The following ERG variants were observed in gnomAD, a reference collection of about 807,000 sequenced individuals.
The protein encoded by ERG is transcriptional regulator ERG.
ERG carries 9 observed loss-of-function variants against 55.3 expected under a neutral mutation model. The ratio of observed to expected loss-of-function variants is 0.16; its 90% CI spans 0.10 to 0.28. ERG has a LOEUF of 0.28. ERG is among the 10% of genes least tolerant of loss of function. ERG has a pLI of 1.00. For missense variants in ERG, 434 were observed against 631.6 expected (o/e 0.69, Z 3.35); for synonymous variants, 223 against 237.3 (o/e 0.94, Z 0.55).
intron 1 of ERG, among the ~76,000 whole-genome samples, chr21:38,638,954 C>A (rs1431151911): frequency 6.6e-6 from 1 of 152,090 alleles, no homozygotes; most frequent in African/African-American, 2.4e-5. Flanking sequence ...AAAGGGGGAC[C>A]AAGTGAATGG....
rs187270077 is a variant in ERG at position 38,654,615 on chromosome 21, T to A, written c.-150+7043A>T. ...ATACTAATAATATGCTGATCTAACA[T>A]CTCTTCTCCAGAAGACTCCCTAGAT... On this transcript the variant is annotated intron_variant, in intron 1 of 10. Coordinates refer to the ERG transcript ENST00000398910. Among the ~76,000 whole-genome samples the A allele has an allele frequency of 6.6e-5, 10 of 152,348 alleles. No individual in the cohort carries two copies. The East Asian group carries it at 1.9e-3, about 29-fold the overall frequency.
At chr21:38,567,759 G>A (rs909248997) in intron 2 of ERG, among the ~76,000 whole-genome samples, 8 of 152,182 alleles carry the variant, frequency 5.3e-5, no homozygotes, top group African/African-American at 1.9e-4. Context: ...CATAGCGATG[G>A]GATAAATCAT....
At chr21:38,416,702 CAAAAT>C (rs1989296798) in intron 3 of ERG, among the ~76,000 whole-genome samples, 1 of 152,066 alleles carries the variant, frequency 6.6e-6, no homozygotes, top group Non-Finnish European at 1.5e-5. Flanking sequence ...CAATATGAAA[CAAAAT>C]AAAGTATGAT....
rs531869559 is a variant in ERG at position 38,388,895 on chromosome 21, T to C, written c.919+2100A>G. 7.9e-5 allele frequency among the ~76,000 whole-genome samples: 12 copies of C among 152,280 alleles called. No homozygotes were observed. The South Asian group carries it at 2.5e-3, about 32-fold the overall frequency. ...CCCTTGTGAAAGCTGGCACTTTGCT[T>C]AGGAGCAAGTGACTCAGGCCCTATT... On this transcript the variant is annotated intron_variant, in intron 9 of 9. Coordinates refer to ENST00000288319, the MANE Select transcript of ERG (RefSeq NM_182918.4).
chr21:38,546,496 A>T (rs1164432889), intron 2 of ERG, among the ~76,000 whole-genome samples: 1 of 152,204 alleles, frequency 6.6e-6, no homozygotes, highest in African/African-American at 2.4e-5. Context: ...TTTCCACAAT[A>T]TTGTGATATG....
At chr21:38,367,696 A>G in the ERG span, 2 of 497,318 alleles carry the variant, frequency 4.0e-6, no homozygotes, top group Non-Finnish European at 7.9e-6. Context: ...GAAAAGAGGA[A>G]AATCATAGGC....
chr21:38,513,045 C>T (rs942759618), intron 2 of ERG, among the ~76,000 whole-genome samples: 6 of 151,808 alleles, frequency 4.0e-5, no homozygotes, highest in African/African-American at 1.2e-4. Flanking sequence ...GCAGGAGAAT[C>T]GCTTGAACCA....
In ERG at chr21:38,551,891, G is replaced by A. The variant is rs184222282; in HGVS notation, c.-41+23771C>T. Among the ~76,000 whole-genome samples, 11 of 152,146 alleles carry A rather than the reference G, an allele frequency of 7.2e-5. No individual in the cohort carries two copies. In the East Asian group the frequency reaches 1.7e-3, roughly 24 times the overall value. On this transcript the variant is annotated intron_variant, in intron 2 of 8. Coordinates refer to the ERG transcript ENST00000398897. ...AGTGTCAAGTTTAGGTCTCAAATAT[G>A]TTAAGTTAGTTTTCTGCCTTGATGA...
At chr21:38,373,763 C>T in the ERG span, among the ~76,000 whole-genome samples, 13 of 152,238 alleles carry the variant, frequency 8.5e-5, no homozygotes, top group Non-Finnish European at 1.8e-4. Context: ...CCTAATTCCA[C>T]ATCTACTATT....
At chr21:38,401,729 AGCCGGTGGCCAT>A (rs1318223288) in intron 5 of ERG, among the ~76,000 whole-genome samples, 1 of 152,164 alleles carries the variant, frequency 6.6e-6, no homozygotes, top group East Asian at 1.9e-4. Context: ...TGGGGTGAGC[AGCCGGTGGCCAT>A]GCTTCCGGAA....
chr21:38,436,283 G>A (rs1336074414), intron 2 of ERG, among the ~76,000 whole-genome samples: 1 of 152,016 alleles, frequency 6.6e-6, no homozygotes, highest in African/African-American at 2.4e-5. Flanking sequence ...GGAAACACCT[G>A]GTGAGGTTAA....
In ERG at chr21:38,383,198, C is replaced by T; in HGVS notation, c.*205G>A. On this transcript the variant is annotated 3_prime_UTR_variant, in exon 10 of 10. Transcript: ENST00000288319. The surrounding 1 kb of genome is among the most constrained non-coding windows in gnomAD (Gnocchi z 5.7). ...ACAGATGATATGTCCATATTCGTGA[C>T]ATTTTTAGCATCCTCCTCATTTCTG... is the stretch of plus-strand genomic sequence containing the variant. 2 of 1,284,296 alleles carry T rather than the reference C, an allele frequency of 1.6e-6. No homozygotes were observed. Among genetic ancestry groups the T allele is most frequent in the Non-Finnish European group, 9.8e-7 (1 of 1,018,228 alleles). The allele number at this position is 1,284,296 out of a possible 1,614,324, so 79.6% of individuals were successfully genotyped here.
chr21:38,501,269 A>G (rs916467126), upstream of ERG, among the ~76,000 whole-genome samples: 6 of 151,402 alleles, frequency 4.0e-5, no homozygotes, highest in African/African-American at 1.5e-4. Flanking sequence ...GGGTTTCACC[A>G]TATTAGCCAG....
At chr21:38,523,329 T>C (rs983574663) in intron 2 of ERG, among the ~76,000 whole-genome samples, 4 of 152,236 alleles carry the variant, frequency 2.6e-5, no homozygotes, top group African/African-American at 7.2e-5. Flanking sequence ...ATCTATTTTG[T>C]TATTCCTGTA....
intron 2 of ERG, among the ~76,000 whole-genome samples, chr21:38,514,746 T>C (rs2059539091): frequency 6.6e-6 from 1 of 151,938 alleles, no homozygotes; most frequent in Non-Finnish European, 1.5e-5. Flanking sequence ...CAGTCTTAGT[T>C]AGTAAAGAAG....
downstream of ERG, among the ~76,000 whole-genome samples, chr21:38,378,717 CAAAT>C (rs1601306641): frequency 6.6e-6 from 1 of 152,150 alleles, no homozygotes; most frequent in South Asian, 2.1e-4. Flanking sequence ...TAATGTATAA[CAAAT>C]AAGTCCTCGT....
chr21:38,440,076 T>A (rs2058825781), intron 2 of ERG, among the ~76,000 whole-genome samples: 1 of 152,236 alleles, frequency 6.6e-6, no homozygotes. Flanking sequence ...GCCCACAAGT[T>A]CTAGCCAAAG....
At chr21:38,591,203 G>A (rs2146894395) in intron 1 of ERG, among the ~76,000 whole-genome samples, 1 of 152,334 alleles carries the variant, frequency 6.6e-6, no homozygotes, top group African/African-American at 2.4e-5. Context: ...AGAGATTCAT[G>A]TCCAGGAGAA....
At chr21:38,501,353 C>T (rs998774519), upstream of ERG, among the ~76,000 whole-genome samples, 4 of 151,882 alleles carry the variant, frequency 2.6e-5, no homozygotes, top group African/African-American at 9.7e-5. Context: ...AGACGTGAAC[C>T]ACCACGCCCG....
Sources: allele counts gnomAD v4.1 joint callset (sites outside exome capture counted in the v4.1 genomes callset), GRCh38; gene constraint gnomAD v4.1.1; non-coding constraint Gnocchi (gnomAD v3.1); transcripts MANE v1.5; gene names NCBI Gene and HGNC (gene_info 2026-07-23, HGNC 2026-07-21).